LRRN3: variants seen among roughly 807,000 people sequenced by gnomAD.
The protein encoded by LRRN3 is leucine-rich repeat neuronal protein 3.
In LRRN3, 15 loss-of-function variants were observed where a neutral mutation model predicts 40.1. That is an observed-to-expected ratio of 0.37 (90% CI 0.25 to 0.58). The LOEUF is 0.58. Ranked by LOEUF, LRRN3 falls within the 20% of genes least tolerant of loss-of-function variation. The pLI is 0.72. For synonymous variants in LRRN3, 308 were observed against 297.2 expected (o/e 1.04, Z -0.37); for missense variants, 746 against 837.7 (o/e 0.89, Z 1.35).
At chr7:111,092,941 A>G (rs147976509) in intron 1 of LRRN3, among the ~76,000 whole-genome samples, 1 of 152,284 alleles carries the variant, frequency 6.6e-6, no homozygotes, top group African/African-American at 2.4e-5. Context: ...TTTTTTCCAC[A>G]ACTGTGATTT....
chr7:111,121,918 G>A (rs1405367628), intron 2 of LRRN3, among the ~76,000 whole-genome samples: 1 of 152,144 alleles, frequency 6.6e-6, no homozygotes, highest in South Asian at 2.1e-4. Context: ...ATGAGTTCAT[G>A]TCCTTTGTAG....
intron 2 of LRRN3, among the ~76,000 whole-genome samples, chr7:111,105,296 A>T (rs1798421755): frequency 6.6e-6 from 1 of 151,930 alleles, no homozygotes; most frequent in African/African-American, 2.4e-5. Flanking sequence ...TATGAATCTG[A>T]CATCTAGTTA....
intron 2 of LRRN3, among the ~76,000 whole-genome samples, chr7:111,119,321 G>A (rs184224220): frequency 3.3e-5 from 5 of 152,072 alleles, no homozygotes; most frequent in African/African-American, 4.8e-5. Flanking sequence ...GCATGCATAC[G>A]GAATTGTAAC....
At chr7:111,103,715 CTGTA>C (rs1196440404) in intron 2 of LRRN3, among the ~76,000 whole-genome samples, 1 of 151,676 alleles carries the variant, frequency 6.6e-6, no homozygotes, top group East Asian at 1.9e-4. Context: ...AGTAACCACT[CTGTA>C]TGTGTCGGGT....
intron 2 of LRRN3, among the ~76,000 whole-genome samples, chr7:111,117,206 A>C (rs1240592151): frequency 6.6e-6 from 1 of 152,160 alleles, no homozygotes; most frequent in East Asian, 1.9e-4. Flanking sequence ...CAAAGGTTAA[A>C]ATCAGATAAG....
chr7:111,105,088 A>T (rs1273824470), intron 2 of LRRN3, among the ~76,000 whole-genome samples: 3 of 151,898 alleles, frequency 2.0e-5, no homozygotes, highest in African/African-American at 7.2e-5. Context: ...TCCTTACTAA[A>T]GGTCTCATTG....
intron 2 of LRRN3, among the ~76,000 whole-genome samples, chr7:111,120,633 A>T (rs1353347355): frequency 2.0e-5 from 3 of 152,314 alleles, no homozygotes; most frequent in Non-Finnish European, 4.4e-5. Context: ...TAAAACAGCC[A>T]AATGTTAATC....
At chr7:111,103,752 T>C (rs1224859860) in intron 2 of LRRN3, among the ~76,000 whole-genome samples, 3 of 151,776 alleles carry the variant, frequency 2.0e-5, no homozygotes, top group Admixed American at 1.3e-4. Context: ...TTTTATACTA[T>C]GAACTTTTAA....
At chr7:111,118,086 T>C (rs555275195) in intron 2 of LRRN3, among the ~76,000 whole-genome samples, 2 of 152,216 alleles carry the variant, frequency 1.3e-5, no homozygotes, top group African/African-American at 2.4e-5. Context: ...AATTAAGCAT[T>C]CTCTCCTTTG....
Position 111,101,393 on chromosome 7 carries a change from A to T in LRRN3, c.-359+1431A>T, listed in dbSNP as rs1242887167. Among the ~76,000 whole-genome samples, 11 of 151,372 alleles carry T rather than the reference A, an allele frequency of 7.3e-5. No individual in the cohort carries two copies. In the Admixed American group the frequency reaches 7.3e-4, roughly 10 times the overall value. On this transcript the variant is annotated intron_variant, in intron 2 of 2. Coordinates refer to ENST00000308478, the MANE Select transcript of LRRN3 (RefSeq NM_001099658.2). ...TCTGTGATGATGTACTACCAAACTC[A>T]CTTGGGTACTTTTAATGTATGATCT... is the stretch of plus-strand genomic sequence containing the variant.
chr7:111,102,855 A>G (rs1440365089), intron 2 of LRRN3, among the ~76,000 whole-genome samples: 1 of 151,552 alleles, frequency 6.6e-6, no homozygotes. Context: ...AATAATTACA[A>G]TCTTTGAAAT....
At chr7:111,112,949 T>C (rs925272445) in intron 2 of LRRN3, among the ~76,000 whole-genome samples, 1 of 152,172 alleles carries the variant, frequency 6.6e-6, no homozygotes, top group Admixed American at 6.5e-5. Context: ...TTTCCTTTCT[T>C]TCAACGTATG....
chr7:111,103,152 C>T (rs1260437906), intron 2 of LRRN3, among the ~76,000 whole-genome samples: 3 of 151,484 alleles, frequency 2.0e-5, no homozygotes, highest in Admixed American at 2.0e-4. Context: ...ACTTTGTTTC[C>T]TGCAAAATGT....
intron 2 of LRRN3, among the ~76,000 whole-genome samples, chr7:111,113,456 T>C (rs888140507): frequency 1.3e-5 from 2 of 151,992 alleles, no homozygotes; most frequent in Non-Finnish European, 2.9e-5. Context: ...GCTTGCAAGA[T>C]CAGAAAGCAT....
intron 2 of LRRN3, among the ~76,000 whole-genome samples, chr7:111,119,344 T>C (rs1563263528): frequency 6.6e-6 from 1 of 152,184 alleles, no homozygotes; most frequent in Non-Finnish European, 1.5e-5. Context: ...TCTGTTTACT[T>C]CTGTTTCCCC....
chr7:111,106,108 C>T (rs1001095162), intron 2 of LRRN3, among the ~76,000 whole-genome samples: 1 of 151,924 alleles, frequency 6.6e-6, no homozygotes, highest in African/African-American at 2.4e-5. Context: ...GACCTTAGAA[C>T]ATATAATACC....
intron 2 of LRRN3, among the ~76,000 whole-genome samples, chr7:111,105,704 T>C (rs1798469951): frequency 6.6e-6 from 1 of 151,828 alleles, no homozygotes; most frequent in African/African-American, 2.4e-5. Context: ...ATGGGCTTGC[T>C]CTCTGTTGTT....
intron 2 of LRRN3, among the ~76,000 whole-genome samples, chr7:111,112,981 TA>T (rs376756139): frequency 3.3e-5 from 5 of 152,190 alleles, no homozygotes; most frequent in African/African-American, 1.2e-4. Context: ...CAATTCTTAG[TA>T]AAAACGTAAA....
At chr7:111,095,826 T>G (rs1028991591) in intron 1 of LRRN3, among the ~76,000 whole-genome samples, 10 of 151,976 alleles carry the variant, frequency 6.6e-5, no homozygotes, top group African/African-American at 2.4e-4. Context: ...TCAGGATCCA[T>G]GCTTTGCTTA....
Sources: gnomAD v4.1 joint callset for allele counts (sites outside exome capture counted in the v4.1 genomes callset) on GRCh38, gnomAD v4.1.1 for gene constraint, MANE v1.5 for transcripts, NCBI Gene and HGNC (gene_info 2026-07-23, HGNC 2026-07-21) for gene names.